The following RALGAPA1 variants were observed in gnomAD, a reference collection of about 807,000 sequenced individuals.
The protein encoded by RALGAPA1 is ral GTPase-activating protein subunit alpha-1.
Under a neutral mutation model 269.6 loss-of-function variants are expected in RALGAPA1, and 52 were observed. The observed-to-expected ratio is 0.19, with a 90% CI of 0.15 to 0.24. RALGAPA1 has a LOEUF of 0.24. Ranked by LOEUF, RALGAPA1 falls within the 10% of genes least tolerant of loss-of-function variation. The pLI, the probability that RALGAPA1 is intolerant of heterozygous loss-of-function variation, is 1.00. For synonymous variants in RALGAPA1, 817 were observed against 1,008.3 expected, an observed-to-expected ratio of 0.81 and a Z score of 3.60; for missense variants, 1,917 against 3,013.9, an observed-to-expected ratio of 0.64 and a Z score of 8.52.
At chr14:35,575,142 A>AG (rs1250945809) in intron 37 of RALGAPA1, among the ~76,000 whole-genome samples, 2 of 151,348 alleles carry the variant, frequency 1.3e-5, no homozygotes, top group African/African-American at 4.9e-5. Context: ...AAAAAAAAAA[A>AG]AAGATTGTAT....
At chr14:35,631,440 T>G (rs1035567587) in intron 33 of RALGAPA1, among the ~76,000 whole-genome samples, 8 of 152,148 alleles carry the variant, frequency 5.3e-5, no homozygotes, top group African/African-American at 1.9e-4. Context: ...AAATCAAGAC[T>G]AAACCGAATT....
At chr14:35,548,127 T>G (rs1481965443) in intron 41 of RALGAPA1, among the ~76,000 whole-genome samples, 1 of 152,024 alleles carries the variant, frequency 6.6e-6, no homozygotes, top group East Asian at 1.9e-4. Flanking sequence ...ACACAGAGAG[T>G]TATCATTTGA....
chr14:35,804,285 T>C (rs942342051), intron 1 of RALGAPA1, among the ~76,000 whole-genome samples: 1 of 146,076 alleles, frequency 6.8e-6, no homozygotes, highest in Non-Finnish European at 1.5e-5. Flanking sequence ...AAATTGTGAA[T>C]AACGGCTGGG....
In RALGAPA1 at chr14:35,674,770, A is replaced by T. The variant is rs367811451; in HGVS notation, c.4625-61T>A. The T allele has an allele frequency of 2.0e-4, 143 of 716,236 alleles. No individual in the cohort carries two copies. The East Asian group carries it at 3.3e-3, about 16-fold the overall frequency. 44.4% of individuals were successfully genotyped at this position (716,236 alleles called of 1,614,324 possible). ...AGTGAACTGAACATAAAACCCCCCAAGAAACCAAGCTAAATTAACAATCTT... is the reference window on the plus strand; with the variant it reads ...AGTGAACTGAACATAAAACCCCCCATGAAACCAAGCTAAATTAACAATCTT... On this transcript the variant is annotated intron_variant, in intron 22 of 41. Transcript: ENST00000680220.
At chr14:35,780,965 T>C (rs2075382989) in intron 1 of RALGAPA1, among the ~76,000 whole-genome samples, 1 of 151,902 alleles carries the variant, frequency 6.6e-6, no homozygotes, top group African/African-American at 2.4e-5. Context: ...GTCATACATA[T>C]ATACGAAAAT....
At chr14:35,543,290 A>G (rs2054171327) in intron 41 of RALGAPA1, among the ~76,000 whole-genome samples, 2 of 152,256 alleles carry the variant, frequency 1.3e-5, no homozygotes, top group African/African-American at 4.8e-5. Context: ...CAGTAAGTAT[A>G]GCTACATAAT....
intron 37 of RALGAPA1, among the ~76,000 whole-genome samples, chr14:35,594,079 C>T (rs541756627): frequency 1.1e-4 from 16 of 151,926 alleles, no homozygotes; most frequent in South Asian, 8.3e-4. Flanking sequence ...CATTTCCACA[C>T]GGAAAAGAAT....
intron 31 of RALGAPA1, among the ~76,000 whole-genome samples, chr14:35,647,094 G>A (rs1045665643): frequency 5.3e-5 from 8 of 152,042 alleles, no homozygotes; most frequent in African/African-American, 1.9e-4. Flanking sequence ...GTGACCTTGG[G>A]CAACTTAACC....
chr14:35,740,900 T>G (rs1179376624), intron 11 of RALGAPA1, among the ~76,000 whole-genome samples: 1 of 152,196 alleles, frequency 6.6e-6, no homozygotes, highest in African/African-American at 2.4e-5. Flanking sequence ...ACACCAAAAA[T>G]TTAAATGACT....
intron 1 of RALGAPA1, among the ~76,000 whole-genome samples, chr14:35,793,239 T>C (rs915715957): frequency 1.1e-4 from 14 of 131,506 alleles, no homozygotes; most frequent in African/African-American, 4.6e-4. Context: ...CAAAGTCTAC[T>C]TTTTTTTTTT....
At chr14:35,774,089 T>G (rs1261635400) in intron 3 of RALGAPA1, among the ~76,000 whole-genome samples, 1 of 151,878 alleles carries the variant, frequency 6.6e-6, no homozygotes, top group East Asian at 1.9e-4. Flanking sequence ...GGCTAACTTT[T>G]TTGATTTTTA....
chr14:35,657,192 CTT>C (rs1322013761), intron 28 of RALGAPA1, among the ~76,000 whole-genome samples: 5 of 143,994 alleles, frequency 3.5e-5, no homozygotes, highest in Non-Finnish European at 3.1e-5. Flanking sequence ...TTTCTTTTTT[CTT>C]TTTTTTTTTT....
chr14:35,710,893 C>T (rs1212576035), intron 16 of RALGAPA1, among the ~76,000 whole-genome samples: 1 of 152,198 alleles, frequency 6.6e-6, no homozygotes, highest in African/African-American at 2.4e-5. Flanking sequence ...CAACAGGCTA[C>T]ACCATACAGC....
intron 36 of RALGAPA1, among the ~76,000 whole-genome samples, chr14:35,601,572 G>A (rs1157877484): frequency 2.0e-5 from 3 of 152,174 alleles, no homozygotes; most frequent in Non-Finnish European, 4.4e-5. Context: ...GCTAGGAAGA[G>A]CAGGCTTTGG....
rs1448887276 is a variant in RALGAPA1, at chr14:35,719,777, TCGC to T, written c.2266+1908_2266+1910del. On this transcript the variant is annotated intron_variant, in intron 16 of 41. Coordinates refer to ENST00000680220, the MANE Select transcript of RALGAPA1 (RefSeq NM_001346249.2). Reference sequence around the variant, plus strand: ...TTTTTTGAGACAGAGTCGCCCTCTGTCGCTCCCTCTGTCGCTCCCTCTGTCGCT... The same window carrying T: ...TTTTTTGAGACAGAGTCGCCCTCTGTTCCCTCTGTCGCTCCCTCTGTCGCT... 4.2e-5 allele frequency among the ~76,000 whole-genome samples: 3 copies of T among 72,028 alleles called. No homozygotes were observed. In the African/African-American group the frequency reaches 6.4e-4, roughly 15 times the overall value. 47.3% of individuals were successfully genotyped at this position (72,028 alleles called of 152,430 possible).
In RALGAPA1 at chr14:35,805,460, A is replaced by C. The variant is rs542769923; in HGVS notation, c.106+3270T>G. Among the ~76,000 whole-genome samples, 38 of 150,920 alleles carry C rather than the reference A, an allele frequency of 2.5e-4. 1 individual carries two copies. Among genetic ancestry groups the C allele is most frequent in the Admixed American group, 2.2e-3 (33 of 15,128 alleles). Reference sequence around the variant, plus strand: ...CCGTGTCAAAAAAAAAAAAAAAAGAAATCAAACATAAAATGACCGTACTGC... The same window carrying C: ...CCGTGTCAAAAAAAAAAAAAAAAGACATCAAACATAAAATGACCGTACTGC... On this transcript the variant is annotated intron_variant, in intron 1 of 41. Coordinates refer to ENST00000680220, the MANE Select transcript of RALGAPA1 (RefSeq NM_001346249.2).
chr14:35,715,986 A>T (rs2068784309), intron 16 of RALGAPA1: 3 of 985,340 alleles, frequency 3.0e-6, no homozygotes, highest in Non-Finnish European at 3.6e-6. Context: ...AGAATATCTA[A>T]TAGCTCCAGA....
At chr14:35,790,365 A>C (rs1203258548) in intron 1 of RALGAPA1, among the ~76,000 whole-genome samples, 1 of 152,170 alleles carries the variant, frequency 6.6e-6, no homozygotes, top group Non-Finnish European at 1.5e-5. Flanking sequence ...AATGGTGGTA[A>C]TATGAGGAAA....
chr14:35,677,931 T>C lies in RALGAPA1; in HGVS notation c.4624+19A>G, dbSNP rs1368781980. On this transcript the variant is annotated intron_variant, in intron 22 of 41. Coordinates refer to ENST00000680220, the MANE Select transcript of RALGAPA1 (RefSeq NM_001346249.2). ...CGCCCTAAAAGAAAAAAGGTAAATA[T>C]CTAATTTTGAAATATTGCCTAGATC... The C allele has an allele frequency of 2.5e-6, 4 of 1,610,590 alleles. No homozygotes were observed. Among genetic ancestry groups the C allele is most frequent in the Non-Finnish European group, 2.5e-6 (3 of 1,178,388 alleles).
Sources: gnomAD v4.1 joint callset for allele counts (sites outside exome capture counted in the v4.1 genomes callset) on GRCh38, gnomAD v4.1.1 for gene constraint, MANE v1.5 for transcripts, NCBI Gene and HGNC (gene_info 2026-07-23, HGNC 2026-07-21) for gene names.